VNN1: variants seen among roughly 807,000 people sequenced by gnomAD.
VNN1 encodes vanin 1.
A neutral mutation model predicts 41.9 loss-of-function variants in VNN1; 29 were observed. The observed-to-expected ratio is 0.69, with a 90% CI of 0.52 to 0.94. The LOEUF (loss-of-function observed/expected upper bound fraction) is 0.94. Among genes scored for constraint, VNN1 ranks in the 40% least tolerant of loss-of-function variants. The pLI is 0.00. For missense variants in VNN1, 637 were observed against 621.1 expected, an observed-to-expected ratio of 1.03 and a Z score of -0.27; for synonymous variants, 233 against 224.4, an observed-to-expected ratio of 1.04 and a Z score of -0.34.
At chr6:132,706,739 A>T (rs1778524298) in intron 2 of VNN1, among the ~76,000 whole-genome samples, 1 of 152,084 alleles carries the variant, frequency 6.6e-6, no homozygotes, top group Non-Finnish European at 1.5e-5. Context: ...TTGGGATAAA[A>T]TATGTGCAAA....
intron 2 of VNN1, among the ~76,000 whole-genome samples, chr6:132,710,399 T>C (rs952801164): frequency 3.3e-5 from 5 of 152,072 alleles, no homozygotes; most frequent in Non-Finnish European, 7.4e-5. Context: ...ATACTTTAAG[T>C]TCTGAGATAC....
intron 1 of VNN1, 38 bp downstream of exon 1, chr6:132,713,788 T>C (rs771703735): frequency 3.1e-6 from 5 of 1,600,850 alleles, no homozygotes; most frequent in Admixed American, 3.4e-5. Flanking sequence ...TCCTTTCTCA[T>C]AGAATCCAGT....
intron 2 of VNN1, among the ~76,000 whole-genome samples, chr6:132,702,090 C>A (rs1778455507): frequency 6.6e-6 from 1 of 152,184 alleles, no homozygotes; most frequent in Non-Finnish European, 1.5e-5. Flanking sequence ...CAGGGGTTCC[C>A]AATCCCTATG....
At chr6:132,686,325 G>A (rs1778207368) in intron 5 of VNN1, among the ~76,000 whole-genome samples, 1 of 152,084 alleles carries the variant, frequency 6.6e-6, no homozygotes, top group African/African-American at 2.4e-5. Context: ...GCATGAACCT[G>A]TAATCCCAGC....
chr6:132,701,083 T>C (rs1167308901), intron 2 of VNN1, among the ~76,000 whole-genome samples: 2 of 152,212 alleles, frequency 1.3e-5, no homozygotes, highest in East Asian at 1.9e-4. Context: ...GCTAAAACTA[T>C]AAATATGAAA....
chr6:132,687,031 T>C (rs1208408903), intron 5 of VNN1, among the ~76,000 whole-genome samples: 1 of 152,006 alleles, frequency 6.6e-6, no homozygotes, highest in African/African-American at 2.4e-5. Flanking sequence ...AGAGAAAATG[T>C]CGGAAAATTA....
chr6:132,706,436 G>A (rs914178285), intron 2 of VNN1, among the ~76,000 whole-genome samples: 2 of 152,120 alleles, frequency 1.3e-5, no homozygotes, highest in African/African-American at 2.4e-5. Flanking sequence ...ATGGTGCTGG[G>A]AAAACCAGAT....
intron 2 of VNN1, 68 bp downstream of exon 2, chr6:132,711,641 C>G: frequency 6.4e-7 from 1 of 1,557,052 alleles, no homozygotes; most frequent in Non-Finnish European, 8.7e-7. Flanking sequence ...CAATGATCAT[C>G]AACAAAGTTT....
rs936301305 is a variant in VNN1, at chr6:132,681,138, G to A, written c.*2002C>T. ...ACGTTGTGCCATTGTTGGTCCATGT[G>A]ACCAACATCATGTGGAAGAAGAGAT... is the stretch of plus-strand genomic sequence containing the variant. On this transcript the variant is annotated 3_prime_UTR_variant, in exon 7 of 7. Transcript: ENST00000367928. Among the ~76,000 whole-genome samples the A allele has an allele frequency of 6.6e-6, 1 of 152,124 alleles. No homozygotes were observed. The highest frequency in any genetic ancestry group is 2.4e-5 in the African/African-American group (1 of 41,402).
intron 2 of VNN1, among the ~76,000 whole-genome samples, chr6:132,704,436 T>C (rs1778490223): frequency 6.6e-6 from 1 of 152,090 alleles, no homozygotes; most frequent in Non-Finnish European, 1.5e-5. Context: ...ACATACAGAA[T>C]TTAAACAATG....
Position 132,693,016 on chromosome 6 carries a change from C to G in VNN1, c.826+8G>C. 2 of 1,595,884 alleles carry G rather than the reference C, an allele frequency of 1.3e-6. No individual in the cohort carries two copies. The highest frequency in any genetic ancestry group is 1.7e-6 in the Non-Finnish European group (2 of 1,170,354). ...ATCAGCCTGCATATCTTTAAGATCA[C>G]ACATTACCTGTCATTTTCTTTGAGG... On this transcript the variant is annotated splice_region_variant and intron_variant, in intron 4 of 6. Transcript: ENST00000367928.
rs539348830 is a variant in VNN1, at chr6:132,688,475, A to G, written c.1188+3748T>C. 3.3e-5 allele frequency among the ~76,000 whole-genome samples: 5 copies of G among 152,256 alleles called. No individual in the cohort carries two copies. In the South Asian group the frequency reaches 1.0e-3, roughly 32 times the overall value. Reference sequence around the variant, plus strand: ...TGACAAAGCTAACCTACCTCACAACACTAAGAAAGAACTTCCCACAACTCT... The same window carrying G: ...TGACAAAGCTAACCTACCTCACAACGCTAAGAAAGAACTTCCCACAACTCT... On this transcript the variant is annotated intron_variant, in intron 5 of 6. Coordinates refer to ENST00000367928, the MANE Select transcript of VNN1 (RefSeq NM_004666.3).
At position 132,692,216 on chromosome 6, in the gene VNN1, A is replaced by G; in HGVS notation, c.1188+7T>C. On this transcript the variant is annotated splice_region_variant and intron_variant, in intron 5 of 6. Transcript: ENST00000367928. ...ATCCAGTAACTCTTCTGACATCAAA[A>G]TATTACCTGTAGATAATAGCGCCCT... The G allele has an allele frequency of 6.5e-7, 1 of 1,541,494 alleles. No homozygotes were observed. Among genetic ancestry groups the G allele is most frequent in the African/African-American group, 1.4e-5 (1 of 72,518 alleles).
intron 4 of VNN1, 67 bp from the exon 5 acceptor site, chr6:132,692,651 T>C: frequency 6.7e-7 from 1 of 1,495,354 alleles, no homozygotes; most frequent in Non-Finnish European, 8.8e-7. Context: ...TAATTGTTAT[T>C]ACTATTTTAA....
rs1778331578 is a variant in VNN1 at position 132,694,005 on chromosome 6, C to G, written c.519G>C (p.Val173=). 3 of 1,614,068 alleles carry G rather than the reference C, an allele frequency of 1.9e-6. No individual in the cohort carries two copies. The South Asian group carries it at 3.3e-5, about 18-fold the overall frequency. Residue 173 remains valine (V), a synonymous_variant, in exon 3 of 7, where the codon GTG becomes GTC. Coordinates refer to ENST00000367928, the MANE Select transcript of VNN1 (RefSeq NM_004666.3). ...DVVFDSQGKL[V]ARYHKQNLFM... ...TTAATTTTACCTTATGGTAGCGTGC[C>G]ACCAGTTTTCCTTGAGAATCAAATA...
intron 4 of VNN1, among the ~76,000 whole-genome samples, 165 bp downstream of exon 4, chr6:132,692,859 A>G (rs1778312314): frequency 6.6e-6 from 1 of 152,230 alleles, no homozygotes. Context: ...CTACAAAACA[A>G]TTTAGACTGA....
chr6:132,682,183 T>C lies in VNN1; in HGVS notation c.*957A>G, dbSNP rs571290134. On this transcript the variant is annotated 3_prime_UTR_variant, in exon 7 of 7. Transcript: ENST00000367928. ...ATTCAATGATCTAATGGTTTCACTATCAATCCATCAGCAATCCTTCTCTAA... is the reference window on the plus strand; with the variant it reads ...ATTCAATGATCTAATGGTTTCACTACCAATCCATCAGCAATCCTTCTCTAA... 3 of 152,370 alleles carry C rather than the reference T, an allele frequency of 2.0e-5. No individual in the cohort carries two copies. In the South Asian group the frequency reaches 6.2e-4, roughly 32 times the overall value. The allele number at this position is 152,370 out of a possible 1,614,324, so 9.4% of individuals were successfully genotyped here.
intron 1 of VNN1, among the ~76,000 whole-genome samples, 194 bp downstream of exon 1, chr6:132,713,618 CTTTTCTTAACTTTG>C (rs766718892): frequency 2.6e-5 from 4 of 152,154 alleles, no homozygotes; most frequent in Non-Finnish European, 4.4e-5. Flanking sequence ...GCAAATTGTT[CTTTTCTTAACTTTG>C]TTCTTACTTT....
rs2114325612 is a variant in VNN1, at chr6:132,682,522, C to T, written c.*618G>A. 1.3e-5 allele frequency: 2 copies of T among 152,496 alleles called. No individual in the cohort carries two copies. Among genetic ancestry groups the T allele is most frequent in the East Asian group, 1.9e-4 (1 of 5,184 alleles). The allele number at this position is 152,496 out of a possible 1,614,324, so 9.4% of individuals were successfully genotyped here. Reference sequence around the variant, plus strand: ...TCCTCTGTGTCTCCTTATGGTCTCCCTTTGTGCCTGTTGTGCCCTACTCGC... The same window carrying T: ...TCCTCTGTGTCTCCTTATGGTCTCCTTTTGTGCCTGTTGTGCCCTACTCGC... On this transcript the variant is annotated 3_prime_UTR_variant, in exon 7 of 7. Transcript: ENST00000367928.
Sources: gnomAD v4.1 joint callset for allele counts (sites outside exome capture counted in the v4.1 genomes callset) on GRCh38, gnomAD v4.1.1 for gene constraint, MANE v1.5 for transcripts, NCBI Gene and HGNC (gene_info 2026-07-23, HGNC 2026-07-21) for gene names.